Variants in GLRB observed in about 807,000 individuals in gnomAD.
The protein encoded by GLRB is glycine receptor subunit beta.
Under a neutral mutation model 54.2 loss-of-function variants are expected in GLRB, and 33 were observed. That is an observed-to-expected ratio of 0.61 (90% CI 0.46 to 0.81). The LOEUF (loss-of-function observed/expected upper bound fraction) is 0.81, where lower values mean the gene tolerates loss of function less well. Among genes scored for constraint, GLRB ranks in the 40% least tolerant of loss-of-function variants. The pLI is 0.00. For missense variants in GLRB, 572 were observed against 584.6 expected (o/e 0.98, Z 0.22); for synonymous variants, 209 against 208.2 (o/e 1.00, Z -0.03).
intron 2 of GLRB, among the ~76,000 whole-genome samples, chr4:157,082,464 T>G (rs2126423032): frequency 6.6e-6 from 1 of 152,294 alleles, no homozygotes; most frequent in South Asian, 2.1e-4. Context: ...AATAAAAATT[T>G]ATTTAATGAA....
At chr4:157,148,675 A>T (rs971367152) in intron 8 of GLRB, among the ~76,000 whole-genome samples, 2 of 152,304 alleles carry the variant, frequency 1.3e-5, no homozygotes, top group Non-Finnish European at 1.5e-5. Context: ...ATTGCTTTCT[A>T]ACTTAATTCC....
chr4:157,158,706 C>T (rs1737338190), intron 9 of GLRB, among the ~76,000 whole-genome samples: 1 of 152,144 alleles, frequency 6.6e-6, no homozygotes, highest in Non-Finnish European at 1.5e-5. Context: ...TGTTTTGGTA[C>T]CAGTACCATG....
intron 2 of GLRB, among the ~76,000 whole-genome samples, chr4:157,099,541 T>C (rs1169404992): frequency 6.6e-6 from 1 of 152,068 alleles, no homozygotes; most frequent in African/African-American, 2.4e-5. Context: ...TTCACCATGT[T>C]GGCCAGGCTG....
chr4:157,109,953 GAAGCTCTCT>G (rs2126504111), intron 2 of GLRB, among the ~76,000 whole-genome samples: 1 of 152,060 alleles, frequency 6.6e-6, no homozygotes, highest in East Asian at 1.9e-4. Context: ...CAGCTTTCTG[GAAGCTCTCT>G]AAACCCTGTG....
chr4:157,081,587 C>CT (rs550409066), intron 2 of GLRB, among the ~76,000 whole-genome samples: 82 of 152,300 alleles, frequency 5.4e-4, no homozygotes, highest in African/African-American at 1.9e-3. Flanking sequence ...TAGACCATCT[C>CT]TTTCTACCTT....
intron 8 of GLRB, among the ~76,000 whole-genome samples, chr4:157,148,161 A>G (rs941336969): frequency 2.6e-5 from 4 of 152,160 alleles, no homozygotes; most frequent in Non-Finnish European, 4.4e-5. Flanking sequence ...GTGAATTACT[A>G]GAACAAAAAG....
intron 2 of GLRB, among the ~76,000 whole-genome samples, chr4:157,116,546 AACTT>A (rs1329402174): frequency 1.6e-4 from 24 of 151,866 alleles, no homozygotes; most frequent in South Asian, 8.3e-4. Flanking sequence ...AAGTAATACT[AACTT>A]ACTTTCTAAA....
intron 2 of GLRB, among the ~76,000 whole-genome samples, chr4:157,090,124 T>C (rs1021439106): frequency 6.6e-6 from 1 of 152,156 alleles, no homozygotes; most frequent in Admixed American, 6.5e-5. Flanking sequence ...TCTACAACAG[T>C]GGATCTCAAA....
intron 2 of GLRB, among the ~76,000 whole-genome samples, chr4:157,101,348 T>C (rs1003441524): frequency 2.0e-5 from 3 of 152,092 alleles, no homozygotes; most frequent in African/African-American, 7.2e-5. Context: ...ATGTAGTATA[T>C]TCCATATTTT....
At chr4:157,157,146 C>A (rs756770094) in intron 9 of GLRB, among the ~76,000 whole-genome samples, 1 of 152,090 alleles carries the variant, frequency 6.6e-6, no homozygotes, top group Non-Finnish European at 1.5e-5. Context: ...CCTCCAGGGC[C>A]CCCTGTGACA....
chr4:157,100,185 TTCTC>T (rs1229429652), intron 2 of GLRB, among the ~76,000 whole-genome samples: 5 of 152,312 alleles, frequency 3.3e-5, no homozygotes, highest in African/African-American at 1.2e-4. Flanking sequence ...CAAGAAATCT[TTCTC>T]TACTTCAAGG....
intron 2 of GLRB, among the ~76,000 whole-genome samples, chr4:157,098,944 G>A (rs937355849): frequency 1.1e-4 from 16 of 152,008 alleles, no homozygotes; most frequent in Admixed American, 6.6e-4. Context: ...AATGCCTTCC[G>A]GTGACTGCTT....
intron 4 of GLRB, among the ~76,000 whole-genome samples, chr4:157,130,152 A>G (rs1258093008): frequency 6.6e-6 from 1 of 151,712 alleles, no homozygotes; most frequent in Admixed American, 6.6e-5. Context: ...CTTATATGGA[A>G]GGGAACTTTG....
intron 9 of GLRB, among the ~76,000 whole-genome samples, chr4:157,165,588 T>C (rs1040335528): frequency 6.6e-6 from 1 of 152,030 alleles, no homozygotes; most frequent in Non-Finnish European, 1.5e-5. Flanking sequence ...ATTTGTGGCC[T>C]GTATACAAAA....
rs548743835 is a variant in GLRB, at chr4:157,081,659, G to A, written c.122+3513G>A. ...TTACTATCACTGGAATACGTCTTAC[G>A]TTTTCATTCCCATGTGGGACATTGC... On this transcript the variant is annotated intron_variant, in intron 2 of 9. Transcript: ENST00000264428. Among the ~76,000 whole-genome samples, 238 of 152,206 alleles carry A rather than the reference G, an allele frequency of 1.6e-3. 1 individual carries two copies. Among genetic ancestry groups the A allele is most frequent in the African/African-American group, 5.4e-3 (224 of 41,536 alleles).
intron 2 of GLRB, among the ~76,000 whole-genome samples, chr4:157,091,061 T>G (rs1484044308): frequency 6.6e-6 from 1 of 152,158 alleles, no homozygotes; most frequent in Non-Finnish European, 1.5e-5. Flanking sequence ...CATGGAACTA[T>G]TAATAGATAG....
chr4:157,084,926 G>C (rs775352160), intron 2 of GLRB, among the ~76,000 whole-genome samples: 15 of 152,132 alleles, frequency 9.9e-5, no homozygotes, highest in Non-Finnish European at 1.8e-4. Context: ...AAGATGAAAG[G>C]CTGATTGGAA....
At chr4:157,144,066 A>T in intron 8 of GLRB, 107 bp downstream of exon 8, 1 of 1,185,772 alleles carries the variant, frequency 8.4e-7, no homozygotes, top group Non-Finnish European at 1.2e-6. Flanking sequence ...ATTGTTAGCC[A>T]CCAATTTCGG....
At chr4:157,168,591 A>G (rs1285539068) in intron 9 of GLRB, among the ~76,000 whole-genome samples, 1 of 152,198 alleles carries the variant, frequency 6.6e-6, no homozygotes, top group Non-Finnish European at 1.5e-5. Context: ...AACAATTGCT[A>G]AATAAGTCAA....
Sources: allele counts gnomAD v4.1 joint callset (sites outside exome capture counted in the v4.1 genomes callset), GRCh38; gene constraint gnomAD v4.1.1; transcripts MANE v1.5; gene names NCBI Gene and HGNC (gene_info 2026-07-23, HGNC 2026-07-21).